Variants in SLC30A5 observed in about 807,000 individuals in gnomAD.
The protein encoded by SLC30A5 is proton-coupled zinc antiporter SLC30A5.
SLC30A5 carries 33 observed loss-of-function variants against 79.6 expected under a neutral mutation model. The ratio of observed to expected loss-of-function variants is 0.41; its 90% confidence interval spans 0.31 to 0.55. The LOEUF (loss-of-function observed/expected upper bound fraction) is 0.55. Among genes scored for constraint, SLC30A5 ranks in the 20% least tolerant of loss-of-function variants. The pLI is 0.20. For missense variants in SLC30A5, 788 were observed against 928.1 expected (o/e 0.85, Z 1.96); for synonymous variants, 299 against 319.7 (o/e 0.94, Z 0.69).
intron 3 of SLC30A5, chr5:69,104,105 A>G: frequency 6.8e-7 from 1 of 1,471,456 alleles, no homozygotes; most frequent in Non-Finnish European, 9.1e-7. Flanking sequence ...AGACAAGAAT[A>G]TAGATAATGG....
chr5:69,108,946 G>A (rs757329968), intron 5 of SLC30A5, among the ~76,000 whole-genome samples: 21 of 151,586 alleles, frequency 1.4e-4, no homozygotes, highest in African/African-American at 2.9e-4. Context: ...AATATAATCC[G>A]TAGTTGGAGA....
Position 69,116,332 on chromosome 5 carries a change from T to C in SLC30A5, c.1073-62T>C. 7 of 1,506,188 alleles carry C rather than the reference T, an allele frequency of 4.6e-6. No individual in the cohort carries two copies. Among genetic ancestry groups the C allele is most frequent in the Admixed American group, 2.2e-5 (1 of 44,798 alleles). 93.3% of individuals were successfully genotyped at this position (1,506,188 alleles called of 1,614,324 possible). On this transcript the variant is annotated intron_variant, in intron 9 of 15. Transcript: ENST00000396591. This position sits in a 1 kb window ranked among gnomAD's most constrained non-coding sequence, Gnocchi z 4.0. ...GCTTGCATTTAGTGCCGACAGTTACTGTGTTGGTTTTGGTAGCTTAAACTT... is the reference window on the plus strand; with the variant it reads ...GCTTGCATTTAGTGCCGACAGTTACCGTGTTGGTTTTGGTAGCTTAAACTT...
At chr5:69,109,993 C>T (rs964551779) in intron 5 of SLC30A5, among the ~76,000 whole-genome samples, 4 of 152,160 alleles carry the variant, frequency 2.6e-5, no homozygotes, top group African/African-American at 9.7e-5. Context: ...TGACAAAGGC[C>T]TTGAATCAAC....
rs1432674906 is a variant in SLC30A5 at position 69,130,379 on chromosome 5, A to G, written c.*762A>G. 2 of 152,098 alleles carry G rather than the reference A, an allele frequency of 1.3e-5. No individual in the cohort carries two copies. Among genetic ancestry groups the G allele is most frequent in the Non-Finnish European group, 2.9e-5 (2 of 68,008 alleles). The allele number at this position is 152,098 out of a possible 1,614,324, so 9.4% of individuals were successfully genotyped here. ...AAAGTAGAATATTTCCTTTCTTGTTATATATTTGACATTCCAAGCTGCTTA... is the reference window on the plus strand; with the variant it reads ...AAAGTAGAATATTTCCTTTCTTGTTGTATATTTGACATTCCAAGCTGCTTA... On this transcript the variant is annotated 3_prime_UTR_variant, in exon 16 of 16. Coordinates refer to ENST00000396591, the MANE Select transcript of SLC30A5 (RefSeq NM_022902.5).
At chr5:69,123,649 T>C (rs1488460313) in intron 14 of SLC30A5, 1 of 425,184 alleles carries the variant, frequency 2.4e-6, no homozygotes, top group Non-Finnish European at 4.2e-6. Context: ...AGGGACCGAA[T>C]AGATGGATGA....
chr5:69,124,352 A>G (rs1746619148), intron 14 of SLC30A5, among the ~76,000 whole-genome samples: 1 of 152,114 alleles, frequency 6.6e-6, no homozygotes, highest in African/African-American at 2.4e-5. Context: ...TAGGTTGTCC[A>G]GAAACAGACC....
At chr5:69,106,500 C>T (rs1227082161) in intron 4 of SLC30A5, among the ~76,000 whole-genome samples, 1 of 152,108 alleles carries the variant, frequency 6.6e-6, no homozygotes, top group Non-Finnish European at 1.5e-5. Flanking sequence ...CCAACACTGC[C>T]CTCTCATTCT....
At chr5:69,115,664 G>C (rs911835052) in intron 8 of SLC30A5, among the ~76,000 whole-genome samples, 1 of 152,158 alleles carries the variant, frequency 6.6e-6, no homozygotes, top group Admixed American at 6.5e-5. Context: ...TTTGAAGAAG[G>C]AGCAATTAAC....
intron 14 of SLC30A5, among the ~76,000 whole-genome samples, chr5:69,125,703 G>A (rs562946227): frequency 1.1e-4 from 17 of 151,662 alleles, no homozygotes; most frequent in East Asian, 3.9e-4. Flanking sequence ...GCCAGGCACC[G>A]TGGTGGGCAC....
At chr5:69,109,537 C>T (rs1228605933) in intron 5 of SLC30A5, among the ~76,000 whole-genome samples, 2 of 152,078 alleles carry the variant, frequency 1.3e-5, no homozygotes, top group African/African-American at 4.8e-5. Context: ...GATGCATCAC[C>T]ACAATGATCT....
chr5:69,099,972 T>G (rs1279399432), intron 1 of SLC30A5, among the ~76,000 whole-genome samples: 1 of 152,202 alleles, frequency 6.6e-6, no homozygotes, highest in Non-Finnish European at 1.5e-5. Context: ...ATGTTGTGGT[T>G]GGTTGGTTCG....
intron 5 of SLC30A5, among the ~76,000 whole-genome samples, chr5:69,112,252 G>A (rs895125477): frequency 2.6e-5 from 4 of 151,462 alleles, no homozygotes; most frequent in East Asian, 1.9e-4. Context: ...AGCCGAGATC[G>A]TGCCATTGCA....
At chr5:69,118,325 G>GTGTGTATACACATATATATATATATA in intron 11 of SLC30A5, 174 bp from the exon 12 acceptor site, 1 of 188,328 alleles carries the variant, frequency 5.3e-6, no homozygotes, top group Non-Finnish European at 1.0e-5. Context: ...ATATATATAT[G>GTGTGTATACACATATATATATATATA]TATATATATA....
chr5:69,116,433 A>C lies in SLC30A5; in HGVS notation c.1112A>C (p.Lys371Thr). 1.2e-6 allele frequency: 2 copies of C among 1,609,740 alleles called. No individual in the cohort carries two copies. Among genetic ancestry groups the C allele is most frequent in the Non-Finnish European group, 1.7e-6 (2 of 1,178,806 alleles). ...ILSSPSKRGQ[K>T]GTLIGYSPEG... ...TCATCTCCCTCTAAGAGAGGACAAA[A>C]AGGTACCCTTATTGGATATTCTCCT... Residue 371 changes from lysine to threonine, a missense_variant, in exon 10 of 16, where the codon AAA becomes ACA. By Grantham distance (78) the Lys-to-Thr change is moderately conservative (BLOSUM62 -1). Around this residue, in one of 3 missense-constraint regions of SLC30A5, gnomAD observed 626 missense variants for 755.5 expected, o/e 0.83. Coordinates refer to ENST00000396591, the MANE Select transcript of SLC30A5 (RefSeq NM_022902.5). This position sits in a 1 kb window ranked among gnomAD's most constrained non-coding sequence, Gnocchi z 4.0.
chr5:69,126,321 T>C (rs1746686891), intron 14 of SLC30A5, among the ~76,000 whole-genome samples: 1 of 152,202 alleles, frequency 6.6e-6, no homozygotes, highest in South Asian at 2.1e-4. Flanking sequence ...TGTTTGTTTG[T>C]TTTGTTTTTA....
In SLC30A5 at chr5:69,114,464, G is replaced by C; in HGVS notation, c.580G>C (p.Ala194Pro). 1 of 1,609,452 alleles carries C rather than the reference G, an allele frequency of 6.2e-7. No homozygotes were observed. Among genetic ancestry groups the C allele is most frequent in the Non-Finnish European group, 8.5e-7 (1 of 1,176,506 alleles). ...DSALTHMLYT[A>P]IAFLGVADHK... Reference sequence around the variant, plus strand: ...TGCTCTAACTCATATGCTTTACACAGCCATTGCCTTCTTAGGTGTGGCAGA... The same window carrying C: ...TGCTCTAACTCATATGCTTTACACACCCATTGCCTTCTTAGGTGTGGCAGA... The change falls in exon 7 of 16, where the codon GCC (alanine) becomes CCC (proline). Residue 194 changes from alanine to proline, a missense_variant. Physicochemically the swap from Ala to Pro is conservative, Grantham distance 27. Around this residue, in one of 3 missense-constraint regions of SLC30A5, gnomAD observed 626 missense variants for 755.5 expected, o/e 0.83. Transcript: ENST00000396591.
rs144333648 is a variant in SLC30A5, at chr5:69,128,225, A to G, written c.2127+93A>G. On this transcript the variant is annotated intron_variant, in intron 15 of 15. Transcript: ENST00000396591. ...TTATATGGCTCAGTAGTCATTTACTATTCAGAAATATCAATCTTCCAACTC... is the reference window on the plus strand; with the variant it reads ...TTATATGGCTCAGTAGTCATTTACTGTTCAGAAATATCAATCTTCCAACTC... 608 of 723,422 alleles carry G rather than the reference A, an allele frequency of 8.4e-4. 5 individuals are homozygous for G. In the African/African-American group the frequency reaches 0.01, roughly 12 times the overall value. The allele number at this position is 723,422 out of a possible 1,614,324, so 44.8% of individuals were successfully genotyped here. A position where few individuals can be genotyped will look rare whatever the true frequency, so the allele number is the denominator to read the frequency against.
intron 8 of SLC30A5, among the ~76,000 whole-genome samples, chr5:69,115,722 A>G (rs1338706825): frequency 1.3e-5 from 2 of 152,234 alleles, no homozygotes; most frequent in African/African-American, 4.8e-5. Context: ...TCATCGAATG[A>G]TTACACAATA....
At chr5:69,121,260 A>G (rs1314367125) in intron 12 of SLC30A5, among the ~76,000 whole-genome samples, 2 of 152,252 alleles carry the variant, frequency 1.3e-5, no homozygotes, top group Non-Finnish European at 2.9e-5. Context: ...CATATTTGGA[A>G]TCTGCTCATT....
Sources: allele counts gnomAD v4.1 joint callset (sites outside exome capture counted in the v4.1 genomes callset), GRCh38; gene constraint gnomAD v4.1.1; regional missense constraint gnomAD v4.1.1; non-coding constraint Gnocchi (gnomAD v3.1); transcripts MANE v1.5; gene names NCBI Gene and HGNC (gene_info 2026-07-23, HGNC 2026-07-21).